The following KALRN variants were observed in gnomAD, a reference collection of about 807,000 sequenced individuals.
KALRN encodes kalirin.
Under a neutral mutation model 353.7 loss-of-function variants are expected in KALRN, and 70 were observed. The observed-to-expected ratio is 0.20, with a 90% CI of 0.16 to 0.24. The LOEUF (loss-of-function observed/expected upper bound fraction) is 0.24. KALRN is among the 10% of genes least tolerant of loss of function. KALRN has a pLI of 1.00. For synonymous variants in KALRN, 1,391 were observed against 1,434.8 expected (o/e 0.97, Z 0.69); for missense variants, 2,791 against 3,756.7 (o/e 0.74, Z 6.72).
intron 33 of KALRN, among the ~76,000 whole-genome samples, chr3:124,524,157 G>C (rs182955717): frequency 6.6e-6 from 1 of 152,118 alleles, no homozygotes; most frequent in Admixed American, 6.5e-5. Flanking sequence ...TCTCTATGTG[G>C]GTTACAGTCC....
At chr3:124,468,183 C>A (rs145356051) in intron 25 of KALRN, among the ~76,000 whole-genome samples, 2 of 152,288 alleles carry the variant, frequency 1.3e-5, no homozygotes, top group African/African-American at 4.8e-5. Flanking sequence ...TATACGCATG[C>A]ATATATGCTA....
At chr3:124,562,563 G>A (rs1056145415) in intron 33 of KALRN, 2 of 302,286 alleles carry the variant, frequency 6.6e-6, no homozygotes, top group African/African-American at 4.4e-5. Flanking sequence ...CCTGGTTCTG[G>A]GCAGGCTTCA....
At chr3:124,703,454 A>C (rs2062443075) in intron 57 of KALRN, among the ~76,000 whole-genome samples, 1 of 152,166 alleles carries the variant, frequency 6.6e-6, no homozygotes, top group Non-Finnish European at 1.5e-5. Context: ...ATTTAATTTA[A>C]TCCATACAAC....
At chr3:124,400,618 A>G (rs1236271656) in intron 13 of KALRN, among the ~76,000 whole-genome samples, 1 of 152,224 alleles carries the variant, frequency 6.6e-6, no homozygotes, top group Admixed American at 6.5e-5. Flanking sequence ...TGAAGAGTGT[A>G]TGTAGTGAAC....
At chr3:124,621,137 G>A (rs1242020433) in intron 34 of KALRN, among the ~76,000 whole-genome samples, 1 of 152,192 alleles carries the variant, frequency 6.6e-6, no homozygotes, top group Non-Finnish European at 1.5e-5. Context: ...CCTGCCCTAT[G>A]TGGATGCCAC....
At chr3:124,172,414 A>T (rs966814923) in intron 1 of KALRN, among the ~76,000 whole-genome samples, 9 of 152,180 alleles carry the variant, frequency 5.9e-5, no homozygotes, top group African/African-American at 2.2e-4. Context: ...GCTCCAGATA[A>T]CAAGAAATTC....
chr3:124,410,309 A>G (rs2092034287), intron 13 of KALRN: 1 of 529,158 alleles, frequency 1.9e-6, no homozygotes, highest in Non-Finnish European at 3.9e-6. Flanking sequence ...AGAAACAAAC[A>G]GAACCTAAAA....
chr3:124,042,503 G>A (rs1559859753), intron 1 of KALRN, among the ~76,000 whole-genome samples: 1 of 152,194 alleles, frequency 6.6e-6, no homozygotes, highest in Admixed American at 6.5e-5. Context: ...AACTTGAGAA[G>A]CAGCAGCAGA....
chr3:124,552,096 G>T (rs915356397), intron 33 of KALRN, among the ~76,000 whole-genome samples: 1 of 152,222 alleles, frequency 6.6e-6, no homozygotes, highest in African/African-American at 2.4e-5. Context: ...GGGCCATACA[G>T]ATGTTAATTA....
At chr3:124,666,738 G>A in intron 46 of KALRN, 104 bp downstream of exon 46, 1 of 936,368 alleles carries the variant, frequency 1.1e-6, no homozygotes, top group Non-Finnish European at 1.6e-6. Context: ...GAACCGTGAA[G>A]ATCTTTCAGC....
At chr3:124,570,648 A>C (rs1364848026) in intron 34 of KALRN, among the ~76,000 whole-genome samples, 1 of 152,214 alleles carries the variant, frequency 6.6e-6, no homozygotes, top group Non-Finnish European at 1.5e-5. Context: ...TTATTTGAGT[A>C]CTGATACTTT....
chr3:124,652,984 T>C (rs2083587531), intron 38 of KALRN, among the ~76,000 whole-genome samples: 2 of 152,206 alleles, frequency 1.3e-5, no homozygotes, highest in Admixed American at 1.3e-4. Flanking sequence ...TTTGCCCACT[T>C]TACGCATCTC....
chr3:124,593,113 C>A (rs2075966601), intron 34 of KALRN, among the ~76,000 whole-genome samples: 1 of 152,158 alleles, frequency 6.6e-6, no homozygotes, highest in Admixed American at 6.5e-5. Context: ...TCAGGATATT[C>A]TCAGTTTCTG....
intron 11 of KALRN, among the ~76,000 whole-genome samples, chr3:124,392,718 C>T (rs2089604427): frequency 6.6e-6 from 1 of 150,472 alleles, no homozygotes; most frequent in Non-Finnish European, 1.5e-5. Flanking sequence ...GATTCTCCTG[C>T]CTCAGCCTCC....
chr3:124,632,907 C>T (rs1222006827), intron 35 of KALRN, among the ~76,000 whole-genome samples: 1 of 152,224 alleles, frequency 6.6e-6, no homozygotes, highest in East Asian at 1.9e-4. Flanking sequence ...AGACTTCCAG[C>T]AGACAGAAAC....
At chr3:124,306,297 A>AT (rs1157820426) in intron 6 of KALRN, among the ~76,000 whole-genome samples, 2 of 151,880 alleles carry the variant, frequency 1.3e-5, no homozygotes, top group Non-Finnish European at 2.9e-5. Flanking sequence ...TGAGAGGCTT[A>AT]TTTTTTTAAA....
At chr3:124,303,387 C>G (rs1486044324) in intron 6 of KALRN, among the ~76,000 whole-genome samples, 2 of 152,170 alleles carry the variant, frequency 1.3e-5, no homozygotes, top group Non-Finnish European at 2.9e-5. Flanking sequence ...CTTTCCTGAG[C>G]TCTCTGGGGC....
chr3:124,618,639 C>T lies in KALRN; in HGVS notation c.5183-13781C>T, dbSNP rs533353405. Among the ~76,000 whole-genome samples the T allele has an allele frequency of 4.5e-4, 69 of 152,268 alleles. 1 individual carries two copies. The highest frequency in any genetic ancestry group is 1.5e-3 in the African/African-American group (64 of 41,556). ...AGCTAATAGAGTTAACGGTGCTTTACGGAGCTCATTGAGGGCTTGTTTGAA... is the reference window on the plus strand; with the variant it reads ...AGCTAATAGAGTTAACGGTGCTTTATGGAGCTCATTGAGGGCTTGTTTGAA... On this transcript the variant is annotated intron_variant, in intron 34 of 59. Transcript: ENST00000682506.
chr3:124,328,611 C>G (rs1216504563), intron 7 of KALRN, among the ~76,000 whole-genome samples: 1 of 152,222 alleles, frequency 6.6e-6, no homozygotes, highest in Non-Finnish European at 1.5e-5. Flanking sequence ...ACCTGGCACT[C>G]TTCCAGAATT....
Sources: allele counts gnomAD v4.1 joint callset (sites outside exome capture counted in the v4.1 genomes callset), GRCh38; gene constraint gnomAD v4.1.1; transcripts MANE v1.5; gene names NCBI Gene and HGNC (gene_info 2026-07-23, HGNC 2026-07-21).